Variants in EXT1 observed in about 807,000 individuals in gnomAD.
EXT1 encodes exostosin-1.
EXT1 carries 20 observed loss-of-function variants against 82.5 expected under a neutral mutation model. The observed-to-expected ratio is 0.24, with a 90% CI of 0.17 to 0.35. The LOEUF (loss-of-function observed/expected upper bound fraction) is 0.35, where lower values mean the gene tolerates loss of function less well. Among genes scored for constraint, EXT1 ranks in the 10% least tolerant of loss-of-function variants. EXT1 has a pLI of 1.00. For missense variants in EXT1, 757 were observed against 936.5 expected, an observed-to-expected ratio of 0.81 and a Z score of 2.50; for synonymous variants, 348 against 350.8, an observed-to-expected ratio of 0.99 and a Z score of 0.09.
At chr8:118,094,565 A>C (rs2130006627) in intron 1 of EXT1, among the ~76,000 whole-genome samples, 1 of 152,394 alleles carries the variant, frequency 6.6e-6, no homozygotes, top group South Asian at 2.1e-4. Context: ...TTGAGTGTTT[A>C]CTATGTTCCA....
chr8:117,912,418 T>G (rs1180136108), intron 1 of EXT1, among the ~76,000 whole-genome samples: 1 of 152,232 alleles, frequency 6.6e-6, no homozygotes, highest in Admixed American at 6.5e-5. Flanking sequence ...AATGGGTAGG[T>G]ACCAATTTAG....
intron 4 of EXT1, among the ~76,000 whole-genome samples, chr8:117,825,323 T>C (rs1811993003): frequency 7.3e-6 from 1 of 137,684 alleles, no homozygotes; most frequent in South Asian, 2.2e-4. Context: ...AGAAAGATCA[T>C]TTTTTTCCCT....
At chr8:118,020,462 C>T (rs1179643439) in intron 1 of EXT1, among the ~76,000 whole-genome samples, 1 of 152,188 alleles carries the variant, frequency 6.6e-6, no homozygotes, top group East Asian at 1.9e-4. Flanking sequence ...GTTATAGATG[C>T]TATGATAATC....
intron 1 of EXT1, among the ~76,000 whole-genome samples, chr8:117,846,612 G>A (rs1159985424): frequency 2.0e-5 from 3 of 152,172 alleles, no homozygotes; most frequent in Non-Finnish European, 2.9e-5. Flanking sequence ...CAGCAACAGT[G>A]AACTCAGATG....
chr8:118,076,847 A>G (rs1817221332), intron 1 of EXT1, among the ~76,000 whole-genome samples: 1 of 152,238 alleles, frequency 6.6e-6, no homozygotes, highest in Admixed American at 6.5e-5. Context: ...TCATATAGAT[A>G]GAAAATCAAG....
chr8:117,879,923 A>G (rs1813033054), intron 1 of EXT1, among the ~76,000 whole-genome samples: 1 of 152,230 alleles, frequency 6.6e-6, no homozygotes, highest in East Asian at 1.9e-4. Flanking sequence ...ACTTTTCTAC[A>G]TGTTTAAACA....
intron 1 of EXT1, among the ~76,000 whole-genome samples, chr8:118,106,345 G>C (rs1353114367): frequency 1.3e-5 from 2 of 152,110 alleles, no homozygotes; most frequent in African/African-American, 2.4e-5. Flanking sequence ...AAATTAAGGG[G>C]GCCTGCATTC....
At chr8:117,875,448 A>G (rs1812952193) in intron 1 of EXT1, among the ~76,000 whole-genome samples, 1 of 150,574 alleles carries the variant, frequency 6.6e-6, no homozygotes, top group Admixed American at 6.6e-5. Context: ...AAATAAATAA[A>G]TAAATAAATA....
intron 1 of EXT1, among the ~76,000 whole-genome samples, chr8:117,943,436 T>C (rs527884646): frequency 6.6e-6 from 1 of 152,292 alleles, no homozygotes; most frequent in African/African-American, 2.4e-5. Flanking sequence ...AATTATAGTA[T>C]ATTTATGCAA....
chr8:118,067,049 A>C, intron 1 of EXT1, among the ~76,000 whole-genome samples: 1 of 152,232 alleles, frequency 6.6e-6, no homozygotes, highest in East Asian at 1.9e-4. Flanking sequence ...ACATAGCCAC[A>C]ATTCTCTCCC....
intron 1 of EXT1, among the ~76,000 whole-genome samples, chr8:117,889,285 T>C (rs4621831): frequency 0.69 from 105,006 of 152,070 alleles, 36,675 homozygotes; most frequent in Middle Eastern, 0.83. Context: ...GAGCCACTAT[T>C]TCCTTGAGTT....
intron 1 of EXT1, among the ~76,000 whole-genome samples, chr8:117,979,584 CAGTTACAAAAGAAA>C (rs1286220970): frequency 6.6e-6 from 1 of 151,714 alleles, no homozygotes; most frequent in African/African-American, 2.4e-5. Context: ...TCATGGTAGA[CAGTTACAAAAGAAA>C]AGGGTAACAC....
chr8:117,858,810 C>A (rs145856225), intron 1 of EXT1, among the ~76,000 whole-genome samples: 4,719 of 33,930 alleles, frequency 0.14, 1,110 homozygotes, highest in African/African-American at 0.37. Flanking sequence ...CAAGGCAAGG[C>A]AGGAAGGAAG....
intron 1 of EXT1, among the ~76,000 whole-genome samples, chr8:117,843,003 T>A (rs1005626635): frequency 6.6e-6 from 1 of 152,196 alleles, no homozygotes; most frequent in African/African-American, 2.4e-5. Flanking sequence ...TATTTATTCA[T>A]AAAGTAACTT....
At chr8:117,872,061 G>C (rs1812882947) in intron 1 of EXT1, among the ~76,000 whole-genome samples, 1 of 151,418 alleles carries the variant, frequency 6.6e-6, no homozygotes. Context: ...GGGCTCAGTA[G>C]CTCAGTAGAT....
At chr8:117,989,939 T>A (rs1202349929) in intron 1 of EXT1, among the ~76,000 whole-genome samples, 1 of 152,176 alleles carries the variant, frequency 6.6e-6, no homozygotes, top group Non-Finnish European at 1.5e-5. Context: ...CTCACGCCTA[T>A]AATTCCAGCA....
At chr8:118,037,839 T>G (rs947212864) in intron 1 of EXT1, among the ~76,000 whole-genome samples, 2 of 145,922 alleles carry the variant, frequency 1.4e-5, no homozygotes, top group South Asian at 2.2e-4. Flanking sequence ...GTTTTTTGTT[T>G]TTTTTTTTTT....
intron 1 of EXT1, among the ~76,000 whole-genome samples, chr8:118,043,208 G>A (rs1457814226): frequency 6.6e-6 from 1 of 152,144 alleles, no homozygotes; most frequent in African/African-American, 2.4e-5. Context: ...TTTGAAGTGT[G>A]AAGCAAAACC....
chr8:117,818,798 G>C (rs1811872521), intron 6 of EXT1, among the ~76,000 whole-genome samples: 2 of 152,136 alleles, frequency 1.3e-5, no homozygotes, highest in Admixed American at 1.3e-4. Flanking sequence ...CCGGGAATAG[G>C]GGAAAGCTGC....
Sources: gnomAD v4.1 joint callset for allele counts (sites outside exome capture counted in the v4.1 genomes callset) on GRCh38, gnomAD v4.1.1 for gene constraint, MANE v1.5 for transcripts, NCBI Gene and HGNC (gene_info 2026-07-23, HGNC 2026-07-21) for gene names.